GDNF: variants seen among roughly 807,000 people sequenced by gnomAD.
GDNF encodes the protein glial cell line-derived neurotrophic factor.
Under a neutral mutation model 13.7 loss-of-function variants are expected in GDNF, and 5 were observed. The ratio of observed to expected loss-of-function variants is 0.36; its 90% CI spans 0.19 to 0.77. The LOEUF (loss-of-function observed/expected upper bound fraction) is 0.77, where lower values mean the gene tolerates loss of function less well. Among genes scored for constraint, GDNF ranks in the 30% least tolerant of loss-of-function variants. GDNF has a pLI of 0.51. For synonymous variants in GDNF, 122 were observed against 112.5 expected (o/e 1.08, Z -0.53); for missense variants, 246 against 274.3 (o/e 0.90, Z 0.73).
intron 2 of GDNF, among the ~76,000 whole-genome samples, chr5:37,827,785 A>G (rs1230257786): frequency 6.6e-6 from 1 of 152,238 alleles, no homozygotes; most frequent in Non-Finnish European, 1.5e-5. Context: ...AACTAAATAA[A>G]CTACATAGGC....
In GDNF at chr5:37,839,261, G is replaced by A. The variant is rs896155468; in HGVS notation, c.-27+246C>T. On this transcript the variant is annotated intron_variant, in intron 1 of 2. Coordinates refer to ENST00000326524, the MANE Select transcript of GDNF (RefSeq NM_000514.4). The surrounding 1 kb of genome is among the most constrained non-coding windows in gnomAD (Gnocchi z 5.5). ...CATTCCGGGTCCAGGCGCATCTGGG[G>A]CTCCACAGATCTTTGCCCACGTGGA... is the stretch of plus-strand genomic sequence containing the variant. 6.6e-6 allele frequency among the ~76,000 whole-genome samples: 1 copy of A among 152,202 alleles called. No individual in the cohort carries two copies. The highest frequency in any genetic ancestry group is 2.4e-5 in the African/African-American group (1 of 41,450).
chr5:37,815,273 T>G lies in GDNF; in HGVS notation c.*378A>C. Reference sequence around the variant, plus strand: ...AAACAAATCACAGGAGATACACTGGTTTGGTTCAAGTGCATCCACCGCAAC... The same window carrying G: ...AAACAAATCACAGGAGATACACTGGGTTGGTTCAAGTGCATCCACCGCAAC... On this transcript the variant is annotated 3_prime_UTR_variant, in exon 3 of 3. Transcript: ENST00000326524. This position sits in a 1 kb window ranked among gnomAD's most constrained non-coding sequence, Gnocchi z 5.0. The G allele has an allele frequency of 3.2e-6, 1 of 312,820 alleles. No homozygotes were observed. Among genetic ancestry groups the G allele is most frequent in the Non-Finnish European group, 6.1e-6 (1 of 163,618 alleles). 19.4% of individuals were successfully genotyped at this position (312,820 alleles called of 1,614,324 possible).
At chr5:37,821,285 G>C (rs925534232) in intron 2 of GDNF, among the ~76,000 whole-genome samples, 11 of 152,214 alleles carry the variant, frequency 7.2e-5, no homozygotes, top group African/African-American at 2.7e-4. Flanking sequence ...GAAAAGAAGA[G>C]GGGTCTGGGT....
In GDNF at chr5:37,839,616, C is replaced by G. The variant is rs1750824320; in HGVS notation, c.-136G>C. 6.6e-6 allele frequency: 1 copy of G among 152,294 alleles called. No homozygotes were observed. Among genetic ancestry groups the G allele is most frequent in the Non-Finnish European group, 1.5e-5 (1 of 68,116 alleles). The allele number at this position is 152,294 out of a possible 1,614,324, so 9.4% of individuals were successfully genotyped here. ...GGCTGGAGCGCGGAGCCCCGCCCAA[C>G]AGGTCAGGGGCAAGAGTTCGCAATC... is the stretch of plus-strand genomic sequence containing the variant. On this transcript the variant is annotated 5_prime_UTR_variant, in exon 1 of 3. Coordinates refer to ENST00000326524, the MANE Select transcript of GDNF (RefSeq NM_000514.4). This position sits in a 1 kb window ranked among gnomAD's most constrained non-coding sequence, Gnocchi z 5.5.
intron 1 of GDNF, among the ~76,000 whole-genome samples, chr5:37,836,600 G>C (rs1581593661): frequency 6.6e-6 from 1 of 152,316 alleles, no homozygotes. Context: ...ACCAGGCCAT[G>C]CAAAATGAGC....
Position 37,815,726 on chromosome 5 carries a change from G to A in GDNF, c.561C>T (p.Asp187=). The A allele has an allele frequency of 6.2e-7, 1 of 1,613,618 alleles. No individual in the cohort carries two copies. Among genetic ancestry groups the A allele is most frequent in the Non-Finnish European group, 8.5e-7 (1 of 1,179,570 alleles). ...CCAGGTTATCATCTAAAAACGACAG[G>A]TCATCATCAAAGGCGATGGGTCTGC... is the stretch of plus-strand genomic sequence containing the variant. ...ACCRPIAFDD[D]LSFLDDNLVY... The change falls in exon 3 of 3, where the codon GAC becomes GAT. Residue 187 remains aspartate, a synonymous_variant. Coordinates refer to ENST00000326524, the MANE Select transcript of GDNF (RefSeq NM_000514.4). This position sits in a 1 kb window ranked among gnomAD's most constrained non-coding sequence, Gnocchi z 5.0.
chr5:37,822,756 A>G (rs1750186011), intron 2 of GDNF, among the ~76,000 whole-genome samples: 1 of 152,232 alleles, frequency 6.6e-6, no homozygotes, highest in Non-Finnish European at 1.5e-5. Context: ...ACATGCGTGC[A>G]TACATATGCG....
In GDNF at chr5:37,838,681, C is replaced by G. The variant is rs1257686099; in HGVS notation, c.-27+826G>C. On this transcript the variant is annotated intron_variant, in intron 1 of 2. Coordinates refer to ENST00000326524, the MANE Select transcript of GDNF (RefSeq NM_000514.4). The surrounding 1 kb of genome is among the most constrained non-coding windows in gnomAD (Gnocchi z 4.1). ...AGCCCGAAGAGGGTTCGTTTTTCTT[C>G]GTTGGGGCAGGAAACAAACCACCAG... Among the ~76,000 whole-genome samples the G allele has an allele frequency of 6.6e-6, 1 of 152,162 alleles. No homozygotes were observed. The highest frequency in any genetic ancestry group is 1.9e-4 in the East Asian group (1 of 5,186).
In GDNF at chr5:37,834,867, C is replaced by T. The variant is rs756856619; in HGVS notation, c.-26-45G>A. On this transcript the variant is annotated intron_variant, in intron 1 of 2. Coordinates refer to ENST00000326524, the MANE Select transcript of GDNF (RefSeq NM_000514.4). ...GTGGGGGAGAGAACCGCAGAATGCACGTTAAGCCTGGGCTCCCTGCGGGTC... is the reference window on the plus strand; with the variant it reads ...GTGGGGGAGAGAACCGCAGAATGCATGTTAAGCCTGGGCTCCCTGCGGGTC... The T allele has an allele frequency of 5.7e-6, 9 of 1,572,752 alleles. No homozygotes were observed. In the Admixed American group the frequency reaches 8.4e-5, roughly 15 times the overall value.
At chr5:37,825,377 G>C (rs960765917) in intron 2 of GDNF, among the ~76,000 whole-genome samples, 1 of 152,134 alleles carries the variant, frequency 6.6e-6, no homozygotes, top group Admixed American at 6.5e-5. Flanking sequence ...CCCCCTGGGT[G>C]GAAAGTGTCC....
intron 2 of GDNF, among the ~76,000 whole-genome samples, chr5:37,820,692 T>C (rs1750104458): frequency 6.6e-6 from 1 of 152,132 alleles, no homozygotes; most frequent in Non-Finnish European, 1.5e-5. Flanking sequence ...GTAGGGAGTA[T>C]ATGGGAACTC....
intron 2 of GDNF, among the ~76,000 whole-genome samples, chr5:37,832,420 C>T (rs576295710): frequency 5.9e-5 from 9 of 152,226 alleles, no homozygotes; most frequent in South Asian, 2.1e-4. Flanking sequence ...AGCTTGCTAC[C>T]GAATCAAACA....
chr5:37,817,604 A>AGTGT (rs34626556), intron 2 of GDNF, among the ~76,000 whole-genome samples: 56,788 of 149,524 alleles, frequency 0.38, 11,044 homozygotes, highest in Admixed American at 0.46. Context: ...GTGTGTGTAG[A>AGTGT]GTGTGTGTGT....
chr5:37,827,032 T>G (rs1240311533), intron 2 of GDNF, among the ~76,000 whole-genome samples: 1 of 152,092 alleles, frequency 6.6e-6, no homozygotes, highest in Non-Finnish European at 1.5e-5. Flanking sequence ...CATCTAATCA[T>G]GTGGAAATAA....
chr5:37,824,027 C>T (rs1015560526), intron 2 of GDNF: 18 of 980,882 alleles, frequency 1.8e-5, no homozygotes, highest in Middle Eastern at 5.2e-4. Flanking sequence ...CTGAATGTCT[C>T]GGCTACATTT....
At position 37,815,364 on chromosome 5, in the gene GDNF, T is replaced by C. The variant is rs1749871860; in HGVS notation, c.*287A>G. ...TGGTGGCAATAGCCAACCAGGAACA[T>C]CAGCCCTGAGCTTCTAGTGACATCG... On this transcript the variant is annotated 3_prime_UTR_variant, in exon 3 of 3. Coordinates refer to ENST00000326524, the MANE Select transcript of GDNF (RefSeq NM_000514.4). The surrounding 1 kb of genome is among the most constrained non-coding windows in gnomAD (Gnocchi z 5.0). The C allele has an allele frequency of 4.1e-6, 2 of 492,618 alleles. No individual in the cohort carries two copies. The highest frequency in any genetic ancestry group is 7.4e-6 in the Non-Finnish European group (2 of 270,518). 30.5% of individuals were successfully genotyped at this position (492,618 alleles called of 1,614,324 possible). A position where few individuals can be genotyped will look rare whatever the true frequency, so the allele number is the denominator to read the frequency against.
intron 2 of GDNF, among the ~76,000 whole-genome samples, chr5:37,821,247 C>T (rs554462713): frequency 6.6e-6 from 1 of 152,250 alleles, no homozygotes; most frequent in African/African-American, 2.4e-5. Context: ...CAGCTGCCTC[C>T]ATTTTCCAGG....
intron 1 of GDNF, chr5:37,835,703 CT>C: frequency 6.5e-7 from 1 of 1,529,374 alleles, no homozygotes; most frequent in Non-Finnish European, 8.9e-7. Flanking sequence ...CGAAAACCCT[CT>C]CTTGACTGGA....
At position 37,814,759 on chromosome 5, in the gene GDNF, GT is replaced by G. The variant is rs1749848108; in HGVS notation, c.*891del. ...TGCATTGCATCGAGTAGCTTCTCTGGTCACTGGTGACCACGCATCAACGGAG... is the reference window on the plus strand; with the variant it reads ...TGCATTGCATCGAGTAGCTTCTCTGGCACTGGTGACCACGCATCAACGGAG... On this transcript the variant is annotated 3_prime_UTR_variant, in exon 3 of 3. Transcript: ENST00000326524. 6.6e-6 allele frequency: 1 copy of G among 152,124 alleles called. No individual in the cohort carries two copies. The highest frequency in any genetic ancestry group is 1.5e-5 in the Non-Finnish European group (1 of 68,012). The allele number at this position is 152,124 out of a possible 1,614,324, so 9.4% of individuals were successfully genotyped here. A position where few individuals can be genotyped will look rare whatever the true frequency, so the allele number is the denominator to read the frequency against.
Sources: allele counts gnomAD v4.1 joint callset (sites outside exome capture counted in the v4.1 genomes callset), GRCh38; gene constraint gnomAD v4.1.1; non-coding constraint Gnocchi (gnomAD v3.1); transcripts MANE v1.5; gene names NCBI Gene and HGNC (gene_info 2026-07-23, HGNC 2026-07-21).